The following IGLL5 variants were observed in gnomAD, a reference collection of about 807,000 sequenced individuals.
The protein encoded by IGLL5 is immunoglobulin lambda like polypeptide 5.
In IGLL5, 30 loss-of-function variants were observed where a neutral mutation model predicts 20.9. The observed-to-expected ratio is 1.44, with a 90% CI of 1.07 to 1.95. The LOEUF is 1.95. Among genes scored for constraint, IGLL5 ranks in the 30% most tolerant of loss-of-function variants. The probability of loss-of-function intolerance (pLI) is 0.00; values close to 1 mark genes in which losing one functional copy is unlikely to be tolerated. For synonymous variants in IGLL5, 203 were observed against 117.3 expected, an observed-to-expected ratio of 1.73 and a Z score of -4.72; for missense variants, 475 against 270.7, an observed-to-expected ratio of 1.75 and a Z score of -5.30.
At chr22:22,893,949 G>T (rs2067954770) in intron 2 of IGLL5, 131 bp downstream of exon 2, 2 of 728,934 alleles carry the variant, frequency 2.7e-6, no homozygotes, top group Admixed American at 2.0e-5. Flanking sequence ...TTCTCCATGG[G>T]GCCTGGAGGA....
At chr22:22,894,183 T>TCCG in intron 2 of IGLL5, among the ~76,000 whole-genome samples, 1 of 151,434 alleles carries the variant, frequency 6.6e-6, no homozygotes, top group Non-Finnish European at 1.5e-5. Context: ...CAGAGGCTGC[T>TCCG]GGGGTGGGCC....
intron 1 of IGLL5, among the ~76,000 whole-genome samples, chr22:22,889,293 A>G (rs187606894): frequency 6.6e-6 from 1 of 151,064 alleles, no homozygotes; most frequent in East Asian, 2.0e-4. Context: ...CATGAAGTTG[A>G]AGTGAGGGCT....
intron 1 of IGLL5, among the ~76,000 whole-genome samples, chr22:22,889,894 C>T (rs556595088): frequency 2.0e-5 from 3 of 151,380 alleles, no homozygotes; most frequent in Non-Finnish European, 2.9e-5. Flanking sequence ...CTGCACCTGA[C>T]CCAACTGTGT....
chr22:22,888,726 G>T (rs533052890), intron 1 of IGLL5, among the ~76,000 whole-genome samples: 1 of 151,402 alleles, frequency 6.6e-6, no homozygotes, highest in African/African-American at 2.4e-5. Context: ...CTCCCCCAAG[G>T]CTGTCTGTTC....
chr22:22,888,331 C>G (rs2067582936), intron 1 of IGLL5, 72 bp downstream of exon 1: 3 of 1,430,970 alleles, frequency 2.1e-6, no homozygotes, highest in East Asian at 2.5e-5. Context: ...CAAGGGGAGA[C>G]AAGCCAGAGG....
Position 22,888,171 on chromosome 22 carries a change from C to T in IGLL5, c.118C>T (p.Arg40Cys), listed in dbSNP as rs552347865. 2.2e-5 allele frequency: 34 copies of T among 1,549,152 alleles called. No homozygotes were observed. Among genetic ancestry groups the T allele is most frequent in the South Asian group, 8.3e-5 (7 of 83,974 alleles). Residue 40 changes from arginine to cysteine, a missense_variant, in exon 1 of 3, where the codon CGC (arginine) becomes TGC (cysteine). Transcript: ENST00000526893. ...GGCCATGGTCGCCCATGGCCTGCTG[C>T]GCCCAATGGTTGCACCGCAAAGCGG... Reference protein sequence around the residue: ...GLAMVAHGLLRPMVAPQSGDP... With the variant: ...GLAMVAHGLLCPMVAPQSGDP...
chr22:22,888,558 A>G (rs554866368), intron 1 of IGLL5, among the ~76,000 whole-genome samples: 4 of 151,368 alleles, frequency 2.6e-5, no homozygotes, highest in African/African-American at 2.4e-5. Context: ...GTAGGGAAGG[A>G]ACAGAGGCAG....
In IGLL5 at chr22:22,894,808, G is replaced by C. The variant is rs529678024; in HGVS notation, c.326-567G>C. 2.6e-5 allele frequency among the ~76,000 whole-genome samples: 4 copies of C among 151,436 alleles called. 1 individual carries two copies. The highest frequency in any genetic ancestry group is 1.3e-4 in the Admixed American group (2 of 15,144). On this transcript the variant is annotated intron_variant, in intron 2 of 2. Coordinates refer to ENST00000526893, the MANE Select transcript of IGLL5 (RefSeq NM_001178126.2). ...TCAGAGGAGCCCTGAGGCTTGTCTA[G>C]GTGGAGCCCACTCCTTGCCAGGAGA...
chr22:22,890,255 T>A (rs2067787265), intron 1 of IGLL5, among the ~76,000 whole-genome samples: 1 of 149,764 alleles, frequency 6.7e-6, no homozygotes, highest in African/African-American at 2.5e-5. Context: ...AGATAGCCAC[T>A]GTCAGGTTGG....
chr22:22,894,256 G>C (rs2068007102), intron 2 of IGLL5, among the ~76,000 whole-genome samples: 1 of 150,622 alleles, frequency 6.6e-6, no homozygotes, highest in Admixed American at 6.6e-5. Context: ...GGTCTAGGCT[G>C]AGGACTGGAT....
chr22:22,893,899 T>G (rs543110663), intron 2 of IGLL5, 81 bp downstream of exon 2: 3 of 943,852 alleles, frequency 3.2e-6, no homozygotes, highest in Admixed American at 3.5e-5. Flanking sequence ...TGGGGCTTCC[T>G]CCCCTCTGTC....
chr22:22,888,397 A>C lies in IGLL5; in HGVS notation c.206+138A>C, dbSNP rs1396718329. ...GCCTGGGCTGACACTGGCTTTAGTA[A>C]TGGGTTGATATTTTGTCCATCACAG... On this transcript the variant is annotated intron_variant, in intron 1 of 2. Coordinates refer to ENST00000526893, the MANE Select transcript of IGLL5 (RefSeq NM_001178126.2). The C allele has an allele frequency of 1.0e-5, 7 of 668,344 alleles. 1 individual carries two copies. The highest frequency in any genetic ancestry group is 3.8e-5 in the South Asian group (2 of 52,266). The allele number at this position is 668,344 out of a possible 1,614,324, so 41.4% of individuals were successfully genotyped here.
chr22:22,889,790 C>G, intron 1 of IGLL5, among the ~76,000 whole-genome samples: 1 of 151,328 alleles, frequency 6.6e-6, no homozygotes, highest in Admixed American at 6.6e-5. Flanking sequence ...AGAGACAGAG[C>G]CTCGCTATAT....
chr22:22,891,270 TG>T (rs2067839155), intron 1 of IGLL5, among the ~76,000 whole-genome samples: 1 of 151,234 alleles, frequency 6.6e-6, no homozygotes. Flanking sequence ...TTTTTGTGGA[TG>T]TAGGAATAAG....
Position 22,888,190 on chromosome 22 carries a change from A to T in IGLL5, c.137A>T (p.Gln46Leu), listed in dbSNP as rs538001103. The change falls in exon 1 of 3, where the codon CAA becomes CTA. Residue 46 changes from glutamine to leucine, a missense_variant. Physicochemically the swap from Gln to Leu is moderately radical, Grantham distance 113. Transcript: ENST00000526893. ...HGLLRPMVAPQSGDPDPGASV... is the reference protein window; with the variant it reads ...HGLLRPMVAPLSGDPDPGASV... ...CTGCTGCGCCCAATGGTTGCACCGC[A>T]AAGCGGGGACCCAGACCCTGGAGCC... 1.9e-6 allele frequency: 3 copies of T among 1,548,820 alleles called. No homozygotes were observed. The highest frequency in any genetic ancestry group is 2.7e-5 in the African/African-American group (2 of 72,890).
intron 1 of IGLL5, among the ~76,000 whole-genome samples, chr22:22,891,543 T>C (rs920924351): frequency 3.3e-5 from 5 of 151,198 alleles, no homozygotes; most frequent in Admixed American, 6.6e-5. Flanking sequence ...GACTGCAGAA[T>C]TGGTTCTCTA....
rs181522466 is a variant in IGLL5, at chr22:22,895,864, T to C, written c.*170T>C. On this transcript the variant is annotated 3_prime_UTR_variant, in exon 3 of 3. Transcript: ENST00000526893. ...GTTTTATCTCATTTTTTTTCTCACA[T>C]AAATTGCTAGCCTCCCCGGGGTTCT... 2 of 722,374 alleles carry C rather than the reference T, an allele frequency of 2.8e-6. No homozygotes were observed. Among genetic ancestry groups the C allele is most frequent in the African/African-American group, 1.8e-5 (1 of 56,038 alleles). The allele number at this position is 722,374 out of a possible 1,614,324, so 44.7% of individuals were successfully genotyped here.
Position 22,888,008 on chromosome 22 carries a change from C to G in IGLL5, c.-46C>G, listed in dbSNP as rs536351655. 2.0e-6 allele frequency: 3 copies of G among 1,465,530 alleles called. No individual in the cohort carries two copies. Among genetic ancestry groups the G allele is most frequent in the African/African-American group, 1.4e-5 (1 of 71,124 alleles). The allele number at this position is 1,465,530 out of a possible 1,614,324, so 90.8% of individuals were successfully genotyped here. A position where few individuals can be genotyped will look rare whatever the true frequency, so the allele number is the denominator to read the frequency against. ...GACCAGGGCACCGTCCTCCAGGGAG[C>G]CCATGCTGCAAGTCGGGCCAGAGGT... On this transcript the variant is annotated 5_prime_UTR_variant, in exon 1 of 3. Coordinates refer to ENST00000526893, the MANE Select transcript of IGLL5 (RefSeq NM_001178126.2).
intron 1 of IGLL5, among the ~76,000 whole-genome samples, chr22:22,889,231 A>G (rs141963977): frequency 6.6e-6 from 1 of 151,112 alleles, no homozygotes; most frequent in Non-Finnish European, 1.5e-5. Context: ...GGGGATGGGG[A>G]GGACACTCAG....
Sources: allele counts gnomAD v4.1 joint callset (sites outside exome capture counted in the v4.1 genomes callset), GRCh38; gene constraint gnomAD v4.1.1; transcripts MANE v1.5; gene names NCBI Gene and HGNC (gene_info 2026-07-23, HGNC 2026-07-21).